ACSF2: variants seen among roughly 807,000 people sequenced by gnomAD.
ACSF2 encodes medium-chain acyl-CoA ligase ACSF2, mitochondrial.
In ACSF2, 52 loss-of-function variants were observed where a neutral mutation model predicts 79.3. That is an observed-to-expected ratio of 0.66 (90% CI 0.53 to 0.83). ACSF2 has a LOEUF of 0.83. ACSF2 is among the 40% of genes least tolerant of loss of function. The probability of loss-of-function intolerance (pLI) is 0.00; values close to 1 mark genes in which losing one functional copy is unlikely to be tolerated. For synonymous variants in ACSF2, 283 were observed against 312.6 expected (o/e 0.91, Z 1.00); for missense variants, 661 against 803.3 (o/e 0.82, Z 2.14).
rs141573569 is a variant in ACSF2, at chr17:50,462,042, G to A, written c.508-142G>A. On this transcript the variant is annotated intron_variant, in intron 4 of 15. Coordinates refer to ENST00000300441, the MANE Select transcript of ACSF2 (RefSeq NM_025149.6). ...GGTACATGTGTGCATTTGTCTTGGA[G>A]TGTGGTGCCTGTGAGTGTGCTGGAG... 8.4e-4 allele frequency: 583 copies of A among 698,078 alleles called. 5 individuals are homozygous for A. The African/African-American group carries it at 9.6e-3, about 11-fold the overall frequency. 43.2% of individuals were successfully genotyped at this position (698,078 alleles called of 1,614,324 possible).
chr17:50,469,383 G>A (rs1486971639), intron 10 of ACSF2, among the ~76,000 whole-genome samples: 1 of 152,208 alleles, frequency 6.6e-6, no homozygotes, highest in Non-Finnish European at 1.5e-5. Flanking sequence ...GGGCGCTTGT[G>A]CGGCGCCTGC....
At chr17:50,466,872 G>A (rs915878521) in intron 10 of ACSF2, among the ~76,000 whole-genome samples, 9 of 152,198 alleles carry the variant, frequency 5.9e-5, no homozygotes, top group Admixed American at 3.3e-4. Context: ...CTCTGGCACT[G>A]GTGGGCCACA....
Position 50,461,242 on chromosome 17 carries a change from G to T in ACSF2, c.325G>T (p.Val109Leu), listed in dbSNP as rs763923185. Residue 109 changes from valine (V) to leucine (L), a missense_variant and splice_region_variant, in exon 3 of 16, where the codon GTG becomes TTG. Coordinates refer to ENST00000300441, the MANE Select transcript of ACSF2 (RefSeq NM_025149.6). ...CCTTGCGCCCCATCTTTTACACTAG[G>T]TGGACAAAGCTGCTTCTGGCCTCCT... ...RLTFAQLKEEVDKAASGLLSI... is the reference protein window; with the variant it reads ...RLTFAQLKEELDKAASGLLSI... 1.9e-6 allele frequency: 3 copies of T among 1,614,192 alleles called. No individual in the cohort carries two copies. The highest frequency in any genetic ancestry group is 2.5e-6 in the Non-Finnish European group (3 of 1,180,020).
chr17:50,463,973 G>A lies in ACSF2; in HGVS notation c.1138+64G>A, dbSNP rs536922711. 6.5e-6 allele frequency: 10 copies of A among 1,534,332 alleles called. No individual in the cohort carries two copies. The highest frequency in any genetic ancestry group is 5.0e-5 in the Admixed American group (3 of 59,710). On this transcript the variant is annotated intron_variant, in intron 9 of 15. Coordinates refer to ENST00000300441, the MANE Select transcript of ACSF2 (RefSeq NM_025149.6). This position sits in a 1 kb window ranked among gnomAD's most constrained non-coding sequence, Gnocchi z 4.6. ...GCTGCTTCCCCCACAGGAATGGCCC[G>A]GGTGAGTTAGCTATGCTCCCAGTCT... is the stretch of plus-strand genomic sequence containing the variant.
chr17:50,444,297 A>T (rs1244096172), intron 1 of ACSF2, among the ~76,000 whole-genome samples: 2 of 152,170 alleles, frequency 1.3e-5, no homozygotes, highest in Non-Finnish European at 2.9e-5. Flanking sequence ...TCACACCTGT[A>T]ATCCCAGCAC....
intron 1 of ACSF2, among the ~76,000 whole-genome samples, chr17:50,429,301 T>C (rs1443204234): frequency 6.6e-6 from 1 of 152,216 alleles, no homozygotes; most frequent in Non-Finnish European, 1.5e-5. Context: ...GAGGCAGGGC[T>C]GATCCCTGGA....
chr17:50,445,641 A>T (rs114989835), intron 1 of ACSF2, among the ~76,000 whole-genome samples: 2,877 of 151,960 alleles, frequency 0.019, 44 homozygotes, highest in Admixed American at 0.023. Flanking sequence ...TACAAAAAAA[A>T]TTTTTTTTAA....
chr17:50,468,677 ATCT>A (rs1419595531), intron 10 of ACSF2: 5 of 1,613,864 alleles, frequency 3.1e-6, no homozygotes. Context: ...CACCTTGGGG[ATCT>A]TCTGCAGCCC....
In ACSF2 at chr17:50,474,786, T is replaced by G; in HGVS notation, c.*234T>G. 14 of 538,470 alleles carry G rather than the reference T, an allele frequency of 2.6e-5. No individual in the cohort carries two copies. The highest frequency in any genetic ancestry group is 6.7e-5 in the Admixed American group (2 of 29,712). 33.4% of individuals were successfully genotyped at this position (538,470 alleles called of 1,614,324 possible). On this transcript the variant is annotated 3_prime_UTR_variant, in exon 16 of 16. Transcript: ENST00000300441. The surrounding 1 kb of genome is among the most constrained non-coding windows in gnomAD (Gnocchi z 4.2). Reference sequence around the variant, plus strand: ...CCCTCCCTCCTGTCCATCCCCCACATTCCCCTGTCTGTCCTTGTGATTTGG... The same window carrying G: ...CCCTCCCTCCTGTCCATCCCCCACAGTCCCCTGTCTGTCCTTGTGATTTGG...
Position 50,426,351 on chromosome 17 carries a change from T to G in ACSF2, c.90T>G (p.Ser30Arg). Residue 30 changes from serine to arginine, a missense_variant, in exon 1 of 16, where the codon AGT becomes AGG. By Grantham distance (110) the Ser-to-Arg change is moderately radical. Transcript: ENST00000300441. ...GGGCCCGGGCCGCCCTCTCTCGGAG[T>G]TGGCAGGAAGCCAGGTTGCAGGGTG... ...VLGARAALSR[S>R]WQEARLQGVR... is the part of the protein sequence containing the mutation. 2 of 1,417,918 alleles carry G rather than the reference T, an allele frequency of 1.4e-6. No homozygotes were observed. Among genetic ancestry groups the G allele is most frequent in the Non-Finnish European group, 1.9e-6 (2 of 1,078,788 alleles). 87.8% of individuals were successfully genotyped at this position (1,417,918 alleles called of 1,614,324 possible).
At chr17:50,468,954 G>C in intron 10 of ACSF2, 4 of 1,402,876 alleles carry the variant, frequency 2.9e-6, no homozygotes, top group Non-Finnish European at 3.7e-6. Context: ...CTCCTACGTG[G>C]AGCATCGAGG....
At chr17:50,473,417 C>T (rs1598439723) in intron 12 of ACSF2, 4 of 472,090 alleles carry the variant, frequency 8.5e-6, no homozygotes, top group South Asian at 6.1e-5. Flanking sequence ...AGAAGCCAGT[C>T]GTGAAAAGCT....
chr17:50,427,059 C>G, intron 1 of ACSF2: 1 of 1,432,760 alleles, frequency 7.0e-7, no homozygotes, highest in Non-Finnish European at 9.5e-7. Flanking sequence ...GCTTGAGACA[C>G]AGAGAGCAGG....
At position 50,471,412 on chromosome 17, in the gene ACSF2, GTC is replaced by G. The variant is rs1187875927; in HGVS notation, c.1323+279_1323+280del. The G allele has an allele frequency of 8.7e-6, 4 of 457,330 alleles. No individual in the cohort carries two copies. The East Asian group carries it at 1.6e-4, about 18-fold the overall frequency. 28.3% of individuals were successfully genotyped at this position (457,330 alleles called of 1,614,324 possible). On this transcript the variant is annotated intron_variant, in intron 11 of 15. Coordinates refer to ENST00000300441, the MANE Select transcript of ACSF2 (RefSeq NM_025149.6). This position sits in a 1 kb window ranked among gnomAD's most constrained non-coding sequence, Gnocchi z 4.1. Reference sequence around the variant, plus strand: ...GAGGTGTGTTTTTGCCAAGCCCACTGTCTGTTTCAGGGCAGCCAGGGTAGCCT... The same window carrying G: ...GAGGTGTGTTTTTGCCAAGCCCACTGTGTTTCAGGGCAGCCAGGGTAGCCT...
chr17:50,474,611 C>G lies in ACSF2; in HGVS notation c.*59C>G. 1 of 1,548,494 alleles carries G rather than the reference C, an allele frequency of 6.5e-7. No homozygotes were observed. Among genetic ancestry groups the G allele is most frequent in the Non-Finnish European group, 8.9e-7 (1 of 1,121,404 alleles). ...TGACTCTCTCCTGTCAGAATGCAAC[C>G]TGGCTTTATGCACCTAGATGTCCCC... On this transcript the variant is annotated 3_prime_UTR_variant, in exon 16 of 16. Coordinates refer to ENST00000300441, the MANE Select transcript of ACSF2 (RefSeq NM_025149.6). The surrounding 1 kb of genome is among the most constrained non-coding windows in gnomAD (Gnocchi z 4.2).
At chr17:50,447,009 A>C (rs1278753499) in intron 1 of ACSF2, among the ~76,000 whole-genome samples, 2 of 152,212 alleles carry the variant, frequency 1.3e-5, no homozygotes, top group African/African-American at 4.8e-5. Context: ...GATTATGCAC[A>C]TTATTTTTTA....
chr17:50,435,223 T>C (rs2030298974), intron 1 of ACSF2, among the ~76,000 whole-genome samples: 1 of 152,184 alleles, frequency 6.6e-6, no homozygotes, highest in Non-Finnish European at 1.5e-5. Context: ...GAGGAGCAGC[T>C]CATTAACCTT....
chr17:50,453,761 TTG>T (rs147831399), intron 1 of ACSF2, among the ~76,000 whole-genome samples: 4 of 150,392 alleles, frequency 2.7e-5, no homozygotes, highest in Admixed American at 6.6e-5. Flanking sequence ...TGTTTTGGGT[TTG>T]TGTGTGTGTG....
rs1363620161 is a variant in ACSF2, at chr17:50,474,041, G to C, written c.1728+37G>C. The C allele has an allele frequency of 1.3e-6, 2 of 1,549,394 alleles. No homozygotes were observed. The highest frequency in any genetic ancestry group is 2.7e-5 in the African/African-American group (2 of 73,280). ...CGCTCAACCTAGCTGATGCTGCTCT[G>C]TTCTTTGCTCACCCACTCCTCTGCC... On this transcript the variant is annotated intron_variant, in intron 14 of 15. Coordinates refer to ENST00000300441, the MANE Select transcript of ACSF2 (RefSeq NM_025149.6). The surrounding 1 kb of genome is among the most constrained non-coding windows in gnomAD (Gnocchi z 4.2).
Sources: allele counts gnomAD v4.1 joint callset (sites outside exome capture counted in the v4.1 genomes callset), GRCh38; gene constraint gnomAD v4.1.1; non-coding constraint Gnocchi (gnomAD v3.1); transcripts MANE v1.5; gene names NCBI Gene and HGNC (gene_info 2026-07-23, HGNC 2026-07-21).